The following LPIN1 variants were observed in gnomAD, a reference collection of about 807,000 sequenced individuals.
The protein encoded by LPIN1 is phosphatidate phosphatase LPIN1.
Under a neutral mutation model 107.5 loss-of-function variants are expected in LPIN1, and 71 were observed. The ratio of observed to expected loss-of-function variants is 0.66; its 90% CI spans 0.55 to 0.80. The LOEUF (loss-of-function observed/expected upper bound fraction) is 0.80. LPIN1 is among the 30% of genes least tolerant of loss of function. LPIN1 has a pLI of 0.00. For synonymous variants in LPIN1, 445 were observed against 452.6 expected, an observed-to-expected ratio of 0.98 and a Z score of 0.21; for missense variants, 1,043 against 1,160.6, an observed-to-expected ratio of 0.90 and a Z score of 1.47.
intron 13 of LPIN1, among the ~76,000 whole-genome samples, chr2:11,792,618 A>G (rs1675967055): frequency 6.6e-6 from 1 of 152,130 alleles, no homozygotes; most frequent in Non-Finnish European, 1.5e-5. Context: ...CCTGGGCTCA[A>G]GCGATCTGCC....
In LPIN1 at chr2:11,783,858, G is replaced by A; in HGVS notation, c.1294G>A (p.Gly432Ser). The A allele has an allele frequency of 6.2e-7, 1 of 1,614,120 alleles. No homozygotes were observed. The highest frequency in any genetic ancestry group is 8.5e-7 in the Non-Finnish European group (1 of 1,180,014). Residue 432 changes from glycine (G) to serine (S), a missense_variant, in exon 9 of 21, where the codon GGC (glycine) becomes AGC (serine). Physicochemically the swap from Gly to Ser is moderately conservative, Grantham distance 56 (BLOSUM62 0). Coordinates refer to ENST00000674199, the MANE Select transcript of LPIN1 (RefSeq NM_001349206.2). ...DKRSRHLGADGVYLDDLTDMD... is the reference protein window; with the variant it reads ...DKRSRHLGADSVYLDDLTDMD... ...ACGAAGCCGACATCTTGGTGCTGAC[G>A]GCGTCTACTTGGATGACCTCACAGA...
intron 2 of LPIN1, among the ~76,000 whole-genome samples, chr2:11,767,286 T>A (rs1671070081): frequency 6.6e-6 from 1 of 152,100 alleles, no homozygotes; most frequent in South Asian, 2.1e-4. Flanking sequence ...TTCCAGGGTG[T>A]AATTTCTAAT....
At chr2:11,781,793 C>T (rs1673614632) in intron 7 of LPIN1, among the ~76,000 whole-genome samples, 1 of 152,254 alleles carries the variant, frequency 6.6e-6, no homozygotes, top group Non-Finnish European at 1.5e-5. Flanking sequence ...ACTGACCCCT[C>T]TGCTCCCTGC....
At chr2:11,795,384 A>G (rs776839888) in intron 13 of LPIN1, 24 bp from the exon 14 acceptor site, 4 of 1,602,220 alleles carry the variant, frequency 2.5e-6, no homozygotes, top group Non-Finnish European at 3.4e-6. Context: ...TACTTCTGTG[A>G]CTCTTTCTTT....
rs1256910662 is a variant in LPIN1, at chr2:11,765,349, G to A, written c.-9-184G>A. On this transcript the variant is annotated intron_variant, in intron 1 of 20. Transcript: ENST00000674199. The surrounding 1 kb of genome is among the most constrained non-coding windows in gnomAD (Gnocchi z 4.4). ...GATGGACACTGATGGGCCGTGATGGGCCCTGATGGGCCCTGATGGACCCTG... is the reference window on the plus strand; with the variant it reads ...GATGGACACTGATGGGCCGTGATGGACCCTGATGGGCCCTGATGGACCCTG... Among the ~76,000 whole-genome samples the A allele has an allele frequency of 1.3e-5, 2 of 152,082 alleles. No homozygotes were observed. The highest frequency in any genetic ancestry group is 2.9e-5 in the Non-Finnish European group (2 of 67,984).
rs763179525 is a variant in LPIN1 at position 11,767,813 on chromosome 2, A to T, written c.243A>T (p.Gly81=). ...GESVDLHMKL[G]DNGEAFFVQE... ...CTGTGGATTTGCATATGAAATTGGG[A>T]GATAATGGAGAAGCATTTTTTGTTC... The change falls in exon 3 of 21, where the codon GGA becomes GGT. Residue 81 remains glycine, a synonymous_variant. Transcript: ENST00000674199. 1 of 1,613,156 alleles carries T rather than the reference A, an allele frequency of 6.2e-7. No individual in the cohort carries two copies. Among genetic ancestry groups the T allele is most frequent in the Non-Finnish European group, 8.5e-7 (1 of 1,179,224 alleles).
At chr2:11,720,480 C>A (rs1664049479), upstream of LPIN1, among the ~76,000 whole-genome samples, 1 of 152,122 alleles carries the variant, frequency 6.6e-6, no homozygotes, top group African/African-American at 2.4e-5. Context: ...ATATGTGGAA[C>A]AGCCAGGGTG....
At chr2:11,748,156 G>A (rs1667244192) in intron 1 of LPIN1, among the ~76,000 whole-genome samples, 1 of 152,236 alleles carries the variant, frequency 6.6e-6, no homozygotes, top group Non-Finnish European at 1.5e-5. Flanking sequence ...GACTGAGAAG[G>A]AGCCTGCCCT....
chr2:11,696,864 C>T lies in LPIN1; in HGVS notation c.82-16892C>T, dbSNP rs574230350. Among the ~76,000 whole-genome samples, 8 of 152,378 alleles carry T rather than the reference C, an allele frequency of 5.3e-5. No individual in the cohort carries two copies. The East Asian group carries it at 5.8e-4, about 11-fold the overall frequency. ...CACCACGTGGGTCTCCTGTCAGCCTCGAAGTGTCCTGCGCCCCTCCCTGGC... is the reference window on the plus strand; with the variant it reads ...CACCACGTGGGTCTCCTGTCAGCCTTGAAGTGTCCTGCGCCCCTCCCTGGC... On this transcript the variant is annotated intron_variant, in intron 1 of 21. Transcript: ENST00000449576.
chr2:11,784,339 CAGTGGGAGGCTCCCAT>C, intron 9 of LPIN1: 6 of 722,000 alleles, frequency 8.3e-6, no homozygotes, highest in Non-Finnish European at 1.1e-5. Context: ...GAGAGAGAGG[CAGTGGGAGGCTCCCAT>C]TGCCTTGTGA....
At chr2:11,795,789 A>T (rs954496430) in intron 14 of LPIN1, among the ~76,000 whole-genome samples, 2 of 152,236 alleles carry the variant, frequency 1.3e-5, no homozygotes, top group Non-Finnish European at 2.9e-5. Flanking sequence ...TGATGACAAT[A>T]ATAACAGTGA....
At chr2:11,804,964 G>C in intron 16 of LPIN1, 106 bp from the exon 17 acceptor site, 1 of 765,262 alleles carries the variant, frequency 1.3e-6, no homozygotes, top group Non-Finnish European at 2.2e-6. Context: ...CAGAAAGAAA[G>C]TTGTGGGTCT....
rs776177763 is a variant in LPIN1 at position 11,782,356 on chromosome 2, G to A, written c.1113G>A (p.Lys371=). ...GTGGGGCACTTTTGGACCAGAACAA[G>A]CCTCAGACAGAAATGCAGTTTGTGA... The part of the protein sequence containing the change: ...LVGGALLDQN[K]PQTEMQFVNE... Residue 371 remains lysine, a synonymous_variant, in exon 8 of 21, where the codon AAG becomes AAA. Coordinates refer to ENST00000674199, the MANE Select transcript of LPIN1 (RefSeq NM_001349206.2). The A allele has an allele frequency of 3.1e-6, 5 of 1,614,230 alleles. 1 individual carries two copies. Among genetic ancestry groups the A allele is most frequent in the Non-Finnish European group, 4.2e-6 (5 of 1,180,048 alleles).
chr2:11,756,386 T>C (rs1296127734), intron 1 of LPIN1, among the ~76,000 whole-genome samples: 1 of 152,176 alleles, frequency 6.6e-6, no homozygotes, highest in African/African-American at 2.4e-5. Context: ...CTTTATTTAT[T>C]TATTTATTTT....
chr2:11,690,420 T>A (rs1178295325), intron 1 of LPIN1, among the ~76,000 whole-genome samples: 1 of 152,254 alleles, frequency 6.6e-6, no homozygotes, highest in Non-Finnish European at 1.5e-5. Flanking sequence ...TGCTCTGTGT[T>A]TCACTGTAAT....
chr2:11,793,499 TA>T (rs1676140066), intron 13 of LPIN1, among the ~76,000 whole-genome samples: 1 of 152,218 alleles, frequency 6.6e-6, no homozygotes, highest in Non-Finnish European at 1.5e-5. Flanking sequence ...CTTGTGTCCT[TA>T]CCACGGCCTA....
exon 1 of LPIN1, chr2:11,724,378 G>T: frequency 3.0e-6 from 3 of 986,288 alleles, no homozygotes; most frequent in Non-Finnish European, 3.6e-6. Context: ...AGAGAGGATG[G>T]GAGGCGAGGA....
rs771263223 is a variant in LPIN1, at chr2:11,815,228, C to G, written c.2390C>G (p.Ser797Cys). ...CTGCTGAGTCCCAGCAGCCTCTTCT[C>G]TGCCCTGCACAGGTACCAGGCCTGC... ...PLLLSPSSLF[S>C]ALHREVIEKK... Residue 797 changes from serine to cysteine, a missense_variant, in exon 18 of 21, where the codon TCT becomes TGT. Transcript: ENST00000674199. The G allele has an allele frequency of 6.2e-7, 1 of 1,614,094 alleles. No homozygotes were observed. Among genetic ancestry groups the G allele is most frequent in the Non-Finnish European group, 8.5e-7 (1 of 1,179,998 alleles).
At chr2:11,804,358 C>A in intron 15 of LPIN1, 65 bp from the exon 16 acceptor site, 10 of 1,574,668 alleles carry the variant, frequency 6.4e-6, no homozygotes, top group Non-Finnish European at 8.7e-6. Flanking sequence ...AGAACAGAAG[C>A]CAAATGCCCA....
Sources: allele counts gnomAD v4.1 joint callset (sites outside exome capture counted in the v4.1 genomes callset), GRCh38; gene constraint gnomAD v4.1.1; non-coding constraint Gnocchi (gnomAD v3.1); transcripts MANE v1.5; gene names NCBI Gene and HGNC (gene_info 2026-07-23, HGNC 2026-07-21).